Variants in MED13 observed in about 807,000 individuals in gnomAD.
The protein encoded by MED13 is mediator of RNA polymerase II transcription subunit 13.
Under a neutral mutation model 225.2 loss-of-function variants are expected in MED13, and 23 were observed. The observed-to-expected ratio is 0.10, with a 90% CI of 0.07 to 0.14. The LOEUF (loss-of-function observed/expected upper bound fraction) is 0.14. Among genes scored for constraint, MED13 ranks in the 10% least tolerant of loss-of-function variants. The pLI, the probability that MED13 is intolerant of heterozygous loss-of-function variation, is 1.00. For synonymous variants in MED13, 942 were observed against 889.2 expected (o/e 1.06, Z -1.06); for missense variants, 2,197 against 2,594.5 (o/e 0.85, Z 3.33).
intron 8 of MED13, among the ~76,000 whole-genome samples, chr17:62,012,205 G>A (rs1355940696): frequency 3.3e-5 from 5 of 150,832 alleles, no homozygotes; most frequent in Non-Finnish European, 7.4e-5. Context: ...GACAGAGCAA[G>A]ACTCCATCTC....
intron 2 of MED13, among the ~76,000 whole-genome samples, chr17:62,053,413 T>C (rs1039191744): frequency 1.3e-5 from 2 of 152,216 alleles, no homozygotes; most frequent in African/African-American, 4.8e-5. Context: ...AGCTTCAATT[T>C]TGCCAACAAA....
At chr17:61,995,985 A>G (rs1209847442) in intron 9 of MED13, among the ~76,000 whole-genome samples, 4 of 152,224 alleles carry the variant, frequency 2.6e-5, no homozygotes, top group Non-Finnish European at 5.9e-5. Flanking sequence ...TTTTTAAGTT[A>G]TTAGTCTTCT....
Position 61,942,995 on chromosome 17 carries a change from G to C in MED13, c.*3473C>G, listed in dbSNP as rs1476541013. On this transcript the variant is annotated 3_prime_UTR_variant, in exon 30 of 30. Transcript: ENST00000397786. ...AACTTCATGAATACATCAACCTGAG[G>C]AGTATTTTAGGTCCCAAATCCAGTT... 1 of 152,256 alleles carries C rather than the reference G, an allele frequency of 6.6e-6. No individual in the cohort carries two copies. Among genetic ancestry groups the C allele is most frequent in the Non-Finnish European group, 1.5e-5 (1 of 67,944 alleles). 9.4% of individuals were successfully genotyped at this position (152,256 alleles called of 1,614,324 possible). A position where few individuals can be genotyped will look rare whatever the true frequency, so the allele number is the denominator to read the frequency against.
At chr17:61,997,510 T>G (rs1035773155) in intron 9 of MED13, among the ~76,000 whole-genome samples, 1 of 152,166 alleles carries the variant, frequency 6.6e-6, no homozygotes, top group Admixed American at 6.5e-5. Context: ...TGCAAATCTT[T>G]TTAAAATAGT....
Position 61,946,323 on chromosome 17 carries a change from C to G in MED13, c.*145G>C, listed in dbSNP as rs1437883793. ...AATAGCAGGGTTATAGCCCCTCCCC[C>G]CAAGTCAAAACAATATTTGTTGAAG... On this transcript the variant is annotated 3_prime_UTR_variant, in exon 30 of 30. Coordinates refer to ENST00000397786, the MANE Select transcript of MED13 (RefSeq NM_005121.3). 6 of 968,606 alleles carry G rather than the reference C, an allele frequency of 6.2e-6. No homozygotes were observed. Among genetic ancestry groups the G allele is most frequent in the Admixed American group, 5.7e-5 (2 of 34,880 alleles). The allele number at this position is 968,606 out of a possible 1,614,324, so 60.0% of individuals were successfully genotyped here.
intron 11 of MED13, among the ~76,000 whole-genome samples, chr17:61,987,712 T>C (rs999939167): frequency 6.6e-5 from 10 of 152,266 alleles, no homozygotes; most frequent in Admixed American, 6.5e-5. Flanking sequence ...ATAAATACTA[T>C]TAGAAAAACA....
At chr17:62,065,049 G>C in intron 1 of MED13, 91 bp downstream of exon 1, 2 of 1,171,026 alleles carry the variant, frequency 1.7e-6, no homozygotes, top group Non-Finnish European at 2.3e-6. Context: ...GGGAACTCGG[G>C]CATCTGGACC....
chr17:62,035,478 T>C lies in MED13; in HGVS notation c.601A>G (p.Asn201Asp), dbSNP rs760488104. 6.8e-6 allele frequency: 11 copies of C among 1,609,864 alleles called. No homozygotes were observed. Among genetic ancestry groups the C allele is most frequent in the African/African-American group, 1.3e-5 (1 of 74,890 alleles). ...AATAATCTACCTTGAAATGGGCTAT[T>C]AGACTGTTGAGCAAGGGTGATATGC... is the stretch of plus-strand genomic sequence containing the variant. ...EEHITLAQQS[N>D]SPFQVILCPF... is the part of the protein sequence containing the mutation. The change falls in exon 4 of 30, where the codon AAT becomes GAT. Residue 201 changes from asparagine to aspartate, a missense_variant. This residue lies in a region of MED13 where 884 missense variants were observed against 918.5 expected (regional missense o/e 0.96). Coordinates refer to ENST00000397786, the MANE Select transcript of MED13 (RefSeq NM_005121.3).
chr17:61,966,685 A>G lies in MED13; in HGVS notation c.4192-34T>C, dbSNP rs2080061923. ...ATACATACAGAAAGCAGAATTAGTA[A>G]ATTTATTATTGTATTTAGATACACA... is the stretch of plus-strand genomic sequence containing the variant. On this transcript the variant is annotated intron_variant, in intron 18 of 29. Transcript: ENST00000397786. 2.1e-6 allele frequency: 3 copies of G among 1,420,868 alleles called. No individual in the cohort carries two copies. The South Asian group carries it at 4.2e-5, about 20-fold the overall frequency. The allele number at this position is 1,420,868 out of a possible 1,614,324, so 88.0% of individuals were successfully genotyped here.
At chr17:62,000,609 T>C (rs1274583507) in intron 9 of MED13, among the ~76,000 whole-genome samples, 1 of 152,250 alleles carries the variant, frequency 6.6e-6, no homozygotes, top group Non-Finnish European at 1.5e-5. Flanking sequence ...TATGCACATA[T>C]GTACTTTGGT....
At chr17:62,056,393 T>C (rs12450560) in intron 2 of MED13, among the ~76,000 whole-genome samples, 24,497 of 152,136 alleles carry the variant, frequency 0.16, 2,428 homozygotes, top group East Asian at 0.5. Context: ...GAAGGGAACA[T>C]ATGGCAAATC....
chr17:61,988,231 G>A (rs906697353), intron 11 of MED13, among the ~76,000 whole-genome samples: 5 of 151,936 alleles, frequency 3.3e-5, no homozygotes, highest in African/African-American at 1.2e-4. Context: ...AATGTGCTTC[G>A]CCCAGTACTA....
chr17:62,030,901 C>A (rs1306205965), intron 6 of MED13: 1 of 152,190 alleles, frequency 6.6e-6, no homozygotes, highest in African/African-American at 2.4e-5. Flanking sequence ...CGCTTTAGTT[C>A]TGTATTGACA....
intron 20 of MED13, among the ~76,000 whole-genome samples, chr17:61,963,409 C>T (rs1009767452): frequency 5.9e-5 from 9 of 152,072 alleles, no homozygotes; most frequent in East Asian, 5.8e-4. Context: ...AAAGAAACCA[C>T]GTTTCCAGAC....
At chr17:62,024,401 G>T (rs1244191084) in intron 8 of MED13, among the ~76,000 whole-genome samples, 3 of 152,172 alleles carry the variant, frequency 2.0e-5, no homozygotes, top group Non-Finnish European at 1.5e-5. Context: ...ATATTTTAAT[G>T]CCTTCCTCTA....
Position 62,029,534 on chromosome 17 carries a change from A to C in MED13, c.1283+7T>G. ...CATAGGCATCAATCGATCGGGAAAT[A>C]ATCTACCTCAAACAACTGCAATTTG... On this transcript the variant is annotated splice_region_variant and intron_variant, in intron 8 of 29. Coordinates refer to ENST00000397786, the MANE Select transcript of MED13 (RefSeq NM_005121.3). 6.2e-7 allele frequency: 1 copy of C among 1,608,884 alleles called. No individual in the cohort carries two copies. Among genetic ancestry groups the C allele is most frequent in the Non-Finnish European group, 8.5e-7 (1 of 1,175,454 alleles).
At chr17:61,995,103 G>A in intron 10 of MED13, 49 bp downstream of exon 10, 1 of 1,257,154 alleles carries the variant, frequency 8.0e-7, no homozygotes, top group Non-Finnish European at 1.2e-6. Context: ...ACTATATGCA[G>A]TGCTACAAAA....
At position 62,038,642 on chromosome 17, in the gene MED13, T is replaced by G. The variant is rs542489405; in HGVS notation, c.471-3034A>C. Among the ~76,000 whole-genome samples the G allele has an allele frequency of 2.0e-5, 3 of 152,310 alleles. No homozygotes were observed. The South Asian group carries it at 6.2e-4, about 32-fold the overall frequency. On this transcript the variant is annotated intron_variant, in intron 3 of 29. Transcript: ENST00000397786. Reference sequence around the variant, plus strand: ...CATAAAAGTCATCTTTCAAGTTCCCTAACAGTCTTTCCAATGAGCACTTAC... The same window carrying G: ...CATAAAAGTCATCTTTCAAGTTCCCGAACAGTCTTTCCAATGAGCACTTAC...
intron 12 of MED13, among the ~76,000 whole-genome samples, chr17:61,985,565 G>A (rs2080240477): frequency 1.3e-5 from 2 of 152,148 alleles, no homozygotes; most frequent in African/African-American, 4.8e-5. Context: ...CAGCTACTCG[G>A]GAGGCTGAGG....
Sources: gnomAD v4.1 joint callset for allele counts (sites outside exome capture counted in the v4.1 genomes callset) on GRCh38, gnomAD v4.1.1 for gene constraint, gnomAD v4.1.1 regional missense constraint, MANE v1.5 for transcripts, NCBI Gene and HGNC (gene_info 2026-07-23, HGNC 2026-07-21) for gene names.